Variants in TTC7A observed in about 807,000 individuals in gnomAD.
TTC7A encodes the protein tetratricopeptide repeat domain 7A.
Under a neutral mutation model 103.7 loss-of-function variants are expected in TTC7A, and 110 were observed. The ratio of observed to expected loss-of-function variants is 1.06; its 90% CI spans 0.91 to 1.24. TTC7A has a LOEUF of 1.24. TTC7A is among the 50% of genes most tolerant of loss of function. TTC7A has a pLI of 0.00. For synonymous variants in TTC7A, 521 were observed against 467.9 expected (o/e 1.11, Z -1.47); for missense variants, 1,340 against 1,116.3 (o/e 1.20, Z -2.86).
At chr2:46,966,542 G>A (rs184034093) in intron 3 of TTC7A, among the ~76,000 whole-genome samples, 4 of 149,666 alleles carry the variant, frequency 2.7e-5, no homozygotes, top group African/African-American at 4.9e-5. Context: ...TCATTGTAAC[G>A]TTCTATCCTA....
At chr2:46,963,983 A>C (rs1672611546) in intron 3 of TTC7A, among the ~76,000 whole-genome samples, 1 of 152,194 alleles carries the variant, frequency 6.6e-6, no homozygotes, top group Non-Finnish European at 1.5e-5. Context: ...TCCTCAAAGG[A>C]AAACCAGGGT....
Position 46,972,690 on chromosome 2 carries a change from C to G in TTC7A, c.518-2283C>G, listed in dbSNP as rs139967338. Among the ~76,000 whole-genome samples the G allele has an allele frequency of 5.5e-4, 84 of 152,290 alleles. No individual in the cohort carries two copies. In the East Asian group the frequency reaches 0.014, roughly 26 times the overall value. ...ACTGATAAATGGGAAAGTGGGTGTC[C>G]CCTGCAGGCAGAGACCTGAGCATGG... is the stretch of plus-strand genomic sequence containing the variant. On this transcript the variant is annotated intron_variant, in intron 3 of 19. Coordinates refer to ENST00000319190, the MANE Select transcript of TTC7A (RefSeq NM_020458.4).
At chr2:47,072,251 G>A (rs1299593319) in intron 19 of TTC7A, among the ~76,000 whole-genome samples, 2 of 152,158 alleles carry the variant, frequency 1.3e-5, no homozygotes, top group Non-Finnish European at 2.9e-5. Context: ...CAGCCACCCT[G>A]TCCTCCCCTG....
At chr2:46,961,819 G>C (rs770986589) in intron 3 of TTC7A, among the ~76,000 whole-genome samples, 22 of 152,024 alleles carry the variant, frequency 1.4e-4, no homozygotes, top group Non-Finnish European at 2.6e-4. Context: ...GGAGGCTGGA[G>C]AATCGCTTGA....
chr2:47,046,529 G>C, intron 16 of TTC7A, 98 bp downstream of exon 16: 6 of 899,360 alleles, frequency 6.7e-6, no homozygotes, highest in South Asian at 1.4e-5. Flanking sequence ...ATGGGGAGGA[G>C]AGTGAGGCTT....
At chr2:46,955,900 C>G (rs1671814185) in intron 2 of TTC7A, among the ~76,000 whole-genome samples, 3 of 152,186 alleles carry the variant, frequency 2.0e-5, no homozygotes, top group Non-Finnish European at 4.4e-5. Context: ...TGCCCAGGGC[C>G]TGGCCCATAG....
chr2:47,069,086 A>G (rs866760973), intron 19 of TTC7A, among the ~76,000 whole-genome samples: 6 of 152,096 alleles, frequency 3.9e-5, no homozygotes, highest in Non-Finnish European at 7.4e-5. Context: ...GCCTAGCCAC[A>G]GCCTCTTGAC....
At chr2:47,071,216 G>A (rs991055661) in intron 19 of TTC7A, 44 of 152,224 alleles carry the variant, frequency 2.9e-4, no homozygotes, top group African/African-American at 9.4e-4. Context: ...ACATGAACTC[G>A]GCTGGTGTCA....
chr2:46,994,522 C>G lies in TTC7A; in HGVS notation c.1001+8C>G, dbSNP rs769056491. On this transcript the variant is annotated splice_region_variant and intron_variant, in intron 7 of 19. Transcript: ENST00000319190. The stretch of plus-strand genomic sequence containing the variant: ...CCTCTATGAAGGAGACAAGTAAGTT[C>G]TGCCTGCCCTGCTGCACCTTGCCAG... The G allele has an allele frequency of 1.2e-6, 2 of 1,613,302 alleles. No homozygotes were observed. Among genetic ancestry groups the G allele is most frequent in the Admixed American group, 3.3e-5 (2 of 59,960 alleles).
chr2:47,023,007 G>A (rs773443871), intron 12 of TTC7A, among the ~76,000 whole-genome samples: 26 of 152,196 alleles, frequency 1.7e-4, no homozygotes, highest in Non-Finnish European at 3.4e-4. Flanking sequence ...ATTTTAAATG[G>A]GATGCAGTTT....
At chr2:46,979,494 A>G (rs900675769) in intron 5 of TTC7A, among the ~76,000 whole-genome samples, 2 of 152,140 alleles carry the variant, frequency 1.3e-5, no homozygotes, top group African/African-American at 2.4e-5. Flanking sequence ...GGTCCCTGGA[A>G]TACTGGCCTA....
At chr2:46,953,803 T>TTTTC (rs534504790) in intron 2 of TTC7A, among the ~76,000 whole-genome samples, 56 of 151,992 alleles carry the variant, frequency 3.7e-4, no homozygotes, top group African/African-American at 1.3e-3. Flanking sequence ...CCCCATTTCT[T>TTTTC]TTTCTTTCTT....
At chr2:46,987,129 A>C (rs572620276) in intron 5 of TTC7A, among the ~76,000 whole-genome samples, 1 of 152,074 alleles carries the variant, frequency 6.6e-6, no homozygotes, top group East Asian at 1.9e-4. Flanking sequence ...GCCCCAGTGC[A>C]AAAGAGCCCT....
chr2:46,961,025 C>A (rs547475173), intron 3 of TTC7A, among the ~76,000 whole-genome samples: 74 of 152,320 alleles, frequency 4.9e-4, no homozygotes, highest in African/African-American at 1.8e-3. Context: ...ATATTTCAAC[C>A]TAACATCCAT....
At chr2:46,955,525 G>T (rs1439017514) in intron 2 of TTC7A, among the ~76,000 whole-genome samples, 1 of 152,190 alleles carries the variant, frequency 6.6e-6, no homozygotes, top group African/African-American at 2.4e-5. Context: ...AGGAGAAGGT[G>T]GGCCTGAGCA....
At chr2:47,068,307 C>A (rs1684353163) in intron 19 of TTC7A, 3 of 152,136 alleles carry the variant, frequency 2.0e-5, no homozygotes. Flanking sequence ...GGGCCAGTGG[C>A]CTCTGCTGCT....
At chr2:46,961,752 G>T (rs894020130) in intron 3 of TTC7A, among the ~76,000 whole-genome samples, 3 of 151,134 alleles carry the variant, frequency 2.0e-5, no homozygotes, top group Non-Finnish European at 4.4e-5. Flanking sequence ...TAAAAAAAAA[G>T]AAAGAACAAA....
At chr2:46,983,096 A>G (rs1288314067) in intron 5 of TTC7A, among the ~76,000 whole-genome samples, 1 of 152,240 alleles carries the variant, frequency 6.6e-6, no homozygotes, top group Non-Finnish European at 1.5e-5. Context: ...TGGCCCAAAT[A>G]TGAGTCACCT....
chr2:46,974,327 C>T (rs908341166), intron 3 of TTC7A, among the ~76,000 whole-genome samples: 1 of 152,254 alleles, frequency 6.6e-6, no homozygotes, highest in South Asian at 2.1e-4. Flanking sequence ...GCATGACTTG[C>T]CTTGGTGCCT....
Sources: allele counts gnomAD v4.1 joint callset (sites outside exome capture counted in the v4.1 genomes callset), GRCh38; gene constraint gnomAD v4.1.1; transcripts MANE v1.5; gene names NCBI Gene and HGNC (gene_info 2026-07-23, HGNC 2026-07-21).